RSU1: variants seen among roughly 807,000 people sequenced by gnomAD.
RSU1 encodes the protein rsu-1.
RSU1 carries 26 observed loss-of-function variants against 31.1 expected under a neutral mutation model. The observed-to-expected ratio is 0.84, with a 90% CI of 0.61 to 1.16. The LOEUF (loss-of-function observed/expected upper bound fraction) is 1.16. Among genes scored for constraint, RSU1 ranks in the 50% most tolerant of loss-of-function variants. The pLI, the probability that RSU1 is intolerant of heterozygous loss-of-function variation, is 0.00. For missense variants in RSU1, 320 were observed against 339.1 expected (o/e 0.94, Z 0.44); for synonymous variants, 164 against 136.3 (o/e 1.20, Z -1.41).
intron 7 of RSU1, among the ~76,000 whole-genome samples, chr10:16,698,289 C>G (rs901836208): frequency 6.6e-6 from 1 of 151,958 alleles, no homozygotes. Context: ...CTCGATCATC[C>G]GAAACTGAAG....
Position 16,752,706 on chromosome 10 carries a change from A to AC in RSU1, c.484-54dup. The stretch of plus-strand genomic sequence containing the variant: ...ATATTTACACATTAAAAGGTGCTCC[A>AC]CAGAAACTCTCATCCTCTATGTCCT... On this transcript the variant is annotated intron_variant, in intron 6 of 8. Coordinates refer to ENST00000345264, the MANE Select transcript of RSU1 (RefSeq NM_012425.4). The AC allele has an allele frequency of 2.2e-6, 3 of 1,359,828 alleles. No individual in the cohort carries two copies. The Admixed American group carries it at 5.1e-5, about 23-fold the overall frequency. 84.2% of individuals were successfully genotyped at this position (1,359,828 alleles called of 1,614,324 possible). A position where few individuals can be genotyped will look rare whatever the true frequency, so the allele number is the denominator to read the frequency against.
intron 3 of RSU1, among the ~76,000 whole-genome samples, chr10:16,772,524 G>A (rs1249035686): frequency 2.6e-5 from 4 of 151,374 alleles, no homozygotes. Context: ...GAGAGGAAAG[G>A]AAATGGCATT....
At chr10:16,765,177 G>A (rs1017131296) in intron 3 of RSU1, among the ~76,000 whole-genome samples, 1 of 152,128 alleles carries the variant, frequency 6.6e-6, no homozygotes, top group Non-Finnish European at 1.5e-5. Flanking sequence ...TCCCTTCCGG[G>A]ATGATGTACA....
intron 8 of RSU1, among the ~76,000 whole-genome samples, chr10:16,597,586 A>G (rs562488662): frequency 6.6e-6 from 1 of 152,310 alleles, no homozygotes; most frequent in East Asian, 1.9e-4. Flanking sequence ...TAAGCCCAGC[A>G]CCATGGCAAA....
At chr10:16,689,970 A>C (rs1835511446) in intron 8 of RSU1, among the ~76,000 whole-genome samples, 1 of 152,230 alleles carries the variant, frequency 6.6e-6, no homozygotes, top group Non-Finnish European at 1.5e-5. Flanking sequence ...TTCCAGCCTA[A>C]CATTTGTCAA....
chr10:16,597,921 C>T (rs964950178), intron 8 of RSU1, among the ~76,000 whole-genome samples: 2 of 152,220 alleles, frequency 1.3e-5, no homozygotes, highest in African/African-American at 2.4e-5. Flanking sequence ...TGAGAGCTGG[C>T]GTTTTACTAA....
At chr10:16,704,380 A>T (rs1012361509) in intron 7 of RSU1, among the ~76,000 whole-genome samples, 6 of 152,194 alleles carry the variant, frequency 3.9e-5, no homozygotes, top group African/African-American at 7.2e-5. Flanking sequence ...AGAAGCAGCA[A>T]CTACCATTTT....
intron 8 of RSU1, among the ~76,000 whole-genome samples, chr10:16,641,823 G>C (rs536860852): frequency 1.3e-5 from 2 of 152,216 alleles, no homozygotes; most frequent in Non-Finnish European, 2.9e-5. Context: ...CAGGAGAGCA[G>C]GAAGGCACGG....
intron 3 of RSU1, among the ~76,000 whole-genome samples, chr10:16,779,955 T>C (rs1837615072): frequency 6.6e-6 from 1 of 151,954 alleles, no homozygotes; most frequent in South Asian, 2.1e-4. Flanking sequence ...TTAATTAGAG[T>C]TTACTGGATT....
intron 7 of RSU1, among the ~76,000 whole-genome samples, chr10:16,720,645 T>A (rs1033670276): frequency 6.6e-6 from 1 of 152,242 alleles, no homozygotes; most frequent in Non-Finnish European, 1.5e-5. Context: ...ATACTACTCT[T>A]AAGGAATGCA....
chr10:16,638,572 T>C (rs1362599772), intron 8 of RSU1, among the ~76,000 whole-genome samples: 4 of 152,174 alleles, frequency 2.6e-5, no homozygotes, highest in African/African-American at 7.2e-5. Context: ...AGGGGGCTCT[T>C]TGAGAGGTTC....
chr10:16,653,234 T>C (rs1834718138), intron 8 of RSU1, among the ~76,000 whole-genome samples: 1 of 152,216 alleles, frequency 6.6e-6, no homozygotes, highest in African/African-American at 2.4e-5. Flanking sequence ...AGTTTCTGTG[T>C]TACAACAGGC....
rs1169202123 is a variant in RSU1 at position 16,663,923 on chromosome 10, G to T, written c.731+31100C>A. On this transcript the variant is annotated intron_variant, in intron 8 of 8. Coordinates refer to ENST00000345264, the MANE Select transcript of RSU1 (RefSeq NM_012425.4). ...CAGGTAGTGCCTCTAAGAAAAGAGT[G>T]CTGGGTAGTAGTGGGGTCTTTCTTG... Among the ~76,000 whole-genome samples, 4 of 152,162 alleles carry T rather than the reference G, an allele frequency of 2.6e-5. No individual in the cohort carries two copies. The East Asian group carries it at 7.7e-4, about 29-fold the overall frequency.
intron 2 of RSU1, among the ~76,000 whole-genome samples, chr10:16,816,660 T>G (rs922697316): frequency 1.3e-5 from 2 of 152,188 alleles, no homozygotes; most frequent in Non-Finnish European, 2.9e-5. Flanking sequence ...GACTCAAAAT[T>G]AATTTTCAAT....
chr10:16,666,665 C>G (rs550610332), intron 8 of RSU1, among the ~76,000 whole-genome samples: 9 of 152,012 alleles, frequency 5.9e-5, no homozygotes, highest in African/African-American at 2.2e-4. Flanking sequence ...TAGGTGGGCT[C>G]ACAGCCACCT....
chr10:16,728,187 C>T (rs535228854), intron 7 of RSU1, among the ~76,000 whole-genome samples: 1 of 152,244 alleles, frequency 6.6e-6, no homozygotes. Context: ...GAGCGAGTGG[C>T]CCCTGTCATT....
chr10:16,663,790 CTG>C (rs1166062593), intron 8 of RSU1, among the ~76,000 whole-genome samples: 1 of 152,208 alleles, frequency 6.6e-6, no homozygotes, highest in Non-Finnish European at 1.5e-5. Context: ...AACTACAAAA[CTG>C]TGGCTGAGCC....
At chr10:16,692,662 C>T (rs190363252) in intron 8 of RSU1, among the ~76,000 whole-genome samples, 1 of 152,130 alleles carries the variant, frequency 6.6e-6, no homozygotes, top group South Asian at 2.1e-4. Flanking sequence ...CAATCATCTG[C>T]TAATTTGTGA....
chr10:16,754,513 C>T (rs927246336), intron 5 of RSU1, among the ~76,000 whole-genome samples: 3 of 150,206 alleles, frequency 2.0e-5, no homozygotes, highest in Non-Finnish European at 2.9e-5. Context: ...GGGCAAATAT[C>T]CTACAAAGAA....
Sources: allele counts gnomAD v4.1 joint callset (sites outside exome capture counted in the v4.1 genomes callset), GRCh38; gene constraint gnomAD v4.1.1; transcripts MANE v1.5; gene names NCBI Gene and HGNC (gene_info 2026-07-23, HGNC 2026-07-21).